ENPP2: variants seen among roughly 807,000 people sequenced by gnomAD.
ENPP2 encodes the protein ectonucleotide pyrophosphatase/phosphodiesterase 2, also known as autotaxin.
A neutral mutation model predicts 120.2 loss-of-function variants in ENPP2; 51 were observed. The ratio of observed to expected loss-of-function variants is 0.42; its 90% CI spans 0.34 to 0.54. ENPP2 has a LOEUF of 0.54. Among genes scored for constraint, ENPP2 ranks in the 20% least tolerant of loss-of-function variants. The pLI is 0.04. For missense variants in ENPP2, 920 were observed against 1,066.5 expected, an observed-to-expected ratio of 0.86 and a Z score of 1.91; for synonymous variants, 365 against 366.4, an observed-to-expected ratio of 1.00 and a Z score of 0.04.
At chr8:119,571,352 T>C (rs1366960038) in intron 19 of ENPP2, 1 of 152,260 alleles carries the variant, frequency 6.6e-6, no homozygotes, top group African/African-American at 2.4e-5. Flanking sequence ...AGCAGCTTTG[T>C]CATACAGAGG....
intron 10 of ENPP2, 128 bp from the exon 11 acceptor site, chr8:119,600,878 T>G: frequency 1.6e-6 from 1 of 636,928 alleles, no homozygotes; most frequent in Non-Finnish European, 2.7e-6. Flanking sequence ...CTACTATTCA[T>G]GTTAGCATGA....
rs1813551308 is a variant in ENPP2, at chr8:119,557,429, T to C, written c.*92A>G. On this transcript the variant is annotated 3_prime_UTR_variant, in exon 25 of 25. Coordinates refer to ENST00000075322, the MANE Select transcript of ENPP2 (RefSeq NM_001040092.3). Reference sequence around the variant, plus strand: ...TTGGTACAGGATTAAAATACTAACATTTTTAATGTCCTGGTTTCAAATTAA... The same window carrying C: ...TTGGTACAGGATTAAAATACTAACACTTTTAATGTCCTGGTTTCAAATTAA... The C allele has an allele frequency of 1.9e-6, 2 of 1,066,596 alleles. No individual in the cohort carries two copies. The highest frequency in any genetic ancestry group is 2.7e-6 in the Non-Finnish European group (2 of 736,268). The allele number at this position is 1,066,596 out of a possible 1,614,324, so 66.1% of individuals were successfully genotyped here.
At chr8:119,561,061 A>G (rs942244995) in intron 24 of ENPP2, among the ~76,000 whole-genome samples, 6 of 152,220 alleles carry the variant, frequency 3.9e-5, no homozygotes, top group Non-Finnish European at 8.8e-5. Flanking sequence ...CTTTTTAAAA[A>G]TTTGATTCCA....
At position 119,557,674 on chromosome 8, in the gene ENPP2, T is replaced by G; in HGVS notation, c.2439A>C (p.Ser813=). The part of the protein sequence containing the change: ...EESCNSSEDE[S]KWVEELMKMH... ...TCTTCATGAGTTCTTCTACCCATTT[T>G]GATTCGTCCTCTGAGCTCTGCAATG... is the stretch of plus-strand genomic sequence containing the variant. The change falls in exon 25 of 25, where the codon TCA becomes TCC. Residue 813 remains serine, a synonymous_variant. Coordinates refer to ENST00000075322, the MANE Select transcript of ENPP2 (RefSeq NM_001040092.3). 1 of 1,577,872 alleles carries G rather than the reference T, an allele frequency of 6.3e-7. No individual in the cohort carries two copies. The highest frequency in any genetic ancestry group is 8.6e-7 in the Non-Finnish European group (1 of 1,167,766).
At chr8:119,610,848 A>G (rs928264897) in intron 8 of ENPP2, among the ~76,000 whole-genome samples, 6 of 151,032 alleles carry the variant, frequency 4.0e-5, no homozygotes, top group African/African-American at 1.5e-4. Context: ...GGTTGTAGTG[A>G]GCTGAGATTG....
intron 20 of ENPP2, among the ~76,000 whole-genome samples, chr8:119,570,350 A>G (rs1158116877): frequency 7.9e-5 from 12 of 151,906 alleles, no homozygotes; most frequent in Admixed American, 7.9e-4. Context: ...GGAACTCTGC[A>G]CTTTACACTC....
chr8:119,612,045 A>T (rs994796587), intron 8 of ENPP2, among the ~76,000 whole-genome samples: 1 of 152,128 alleles, frequency 6.6e-6, no homozygotes, highest in African/African-American at 2.4e-5. Flanking sequence ...AATAAAAATA[A>T]AAAGAGATTT....
intron 1 of ENPP2, among the ~76,000 whole-genome samples, chr8:119,662,334 CAAT>C (rs1817945218): frequency 6.6e-6 from 1 of 151,852 alleles, no homozygotes. Context: ...AATAAATAAA[CAAT>C]AAAGTAAATT....
At chr8:119,575,864 T>C (rs537973405) in intron 19 of ENPP2, among the ~76,000 whole-genome samples, 12 of 152,182 alleles carry the variant, frequency 7.9e-5, no homozygotes, top group East Asian at 1.9e-4. Context: ...TACCATCAAA[T>C]TCATCTTGAA....
At chr8:119,565,026 T>G in intron 22 of ENPP2, 71 bp from the exon 23 acceptor site, 9 of 1,397,196 alleles carry the variant, frequency 6.4e-6, no homozygotes, top group East Asian at 2.3e-5. Context: ...AAATTCTCTC[T>G]AGGATGCATG....
chr8:119,608,898 C>T (rs916229549), intron 8 of ENPP2, among the ~76,000 whole-genome samples: 2 of 152,000 alleles, frequency 1.3e-5, no homozygotes, highest in Admixed American at 1.3e-4. Context: ...ATAAATAATC[C>T]AATTATTCTA....
rs768454332 is a variant in ENPP2, at chr8:119,626,699, G to A, written c.158C>T (p.Thr53Ile). ...PPTVLSDSPW[T>I]NISGSCKGRC... ...GCCCTTGCAAGATCCGGAGATGTTGGTCCAGGGGGAGTCTGATAGCACTGC... is the reference window on the plus strand; with the variant it reads ...GCCCTTGCAAGATCCGGAGATGTTGATCCAGGGGGAGTCTGATAGCACTGC... Residue 53 changes from threonine (T) to isoleucine (I), a missense_variant, in exon 3 of 25, where the codon ACC (threonine) becomes ATC (isoleucine). Thr to Ile is a moderately conservative substitution (Grantham distance 89, BLOSUM62 -1). Coordinates refer to ENST00000075322, the MANE Select transcript of ENPP2 (RefSeq NM_001040092.3). 6.2e-7 allele frequency: 1 copy of A among 1,614,062 alleles called. No homozygotes were observed. The highest frequency in any genetic ancestry group is 1.3e-5 in the African/African-American group (1 of 75,060).
chr8:119,584,873 CA>C (rs1282395694), intron 15 of ENPP2, among the ~76,000 whole-genome samples: 1 of 152,042 alleles, frequency 6.6e-6, no homozygotes. Flanking sequence ...TTTGGGAAAA[CA>C]AAAAATCTAA....
At chr8:119,588,831 G>A (rs1813301517) in intron 13 of ENPP2, among the ~76,000 whole-genome samples, 1 of 152,150 alleles carries the variant, frequency 6.6e-6, no homozygotes. Context: ...AGTCCATACT[G>A]GGGACATCAA....
chr8:119,647,286 C>A (rs554184057), intron 1 of ENPP2, among the ~76,000 whole-genome samples: 2 of 152,156 alleles, frequency 1.3e-5, no homozygotes, highest in Non-Finnish European at 2.9e-5. Flanking sequence ...TGAGCCACTG[C>A]GCCCAGCCCG....
At position 119,557,199 on chromosome 8, in the gene ENPP2, A is replaced by G. The variant is rs75618771; in HGVS notation, c.*322T>C. 723 of 193,576 alleles carry G rather than the reference A, an allele frequency of 3.7e-3. 14 individuals carry two copies. Among genetic ancestry groups the G allele is most frequent in the East Asian group, 0.026 (192 of 7,316 alleles). The allele number at this position is 193,576 out of a possible 1,614,324, so 12.0% of individuals were successfully genotyped here. Reference sequence around the variant, plus strand: ...GCAACTTTACAAAATCAGTGTTTCCATACAGTACAGGACTAAATGTGGCAA... The same window carrying G: ...GCAACTTTACAAAATCAGTGTTTCCGTACAGTACAGGACTAAATGTGGCAA... On this transcript the variant is annotated 3_prime_UTR_variant, in exon 25 of 25. Transcript: ENST00000075322.
intron 9 of ENPP2, among the ~76,000 whole-genome samples, chr8:119,602,000 T>C (rs957225199): frequency 6.6e-6 from 1 of 152,232 alleles, no homozygotes; most frequent in African/African-American, 2.4e-5. Context: ...AGTAAGTTCT[T>C]TAAAAACATA....
chr8:119,662,789 C>A (rs986069244), intron 1 of ENPP2, among the ~76,000 whole-genome samples: 11 of 152,146 alleles, frequency 7.2e-5, no homozygotes, highest in Admixed American at 2.0e-4. Context: ...ATGGGCTTTG[C>A]ATGACCCCTA....
intron 9 of ENPP2, among the ~76,000 whole-genome samples, 185 bp downstream of exon 9, chr8:119,607,737 G>A (rs1226918241): frequency 6.6e-6 from 1 of 151,894 alleles, no homozygotes; most frequent in African/African-American, 2.4e-5. Flanking sequence ...CAAAAAGAAG[G>A]TAGGATGAGG....
Sources: gnomAD v4.1 joint callset for allele counts (sites outside exome capture counted in the v4.1 genomes callset) on GRCh38, gnomAD v4.1.1 for gene constraint, MANE v1.5 for transcripts, NCBI Gene and HGNC (gene_info 2026-07-23, HGNC 2026-07-21) for gene names.